Variants in LNX1 observed in about 807,000 individuals in gnomAD.
LNX1 encodes E3 ubiquitin-protein ligase LNX.
A neutral mutation model predicts 68.4 loss-of-function variants in LNX1; 54 were observed. The observed-to-expected ratio is 0.79, with a 90% CI of 0.63 to 0.99. LNX1 has a LOEUF of 0.99. Ranked by LOEUF, LNX1 falls within the 50% of genes least tolerant of loss-of-function variation. The pLI is 0.00. For synonymous variants in LNX1, 336 were observed against 350.0 expected, an observed-to-expected ratio of 0.96 and a Z score of 0.45; for missense variants, 906 against 926.4, an observed-to-expected ratio of 0.98 and a Z score of 0.29.
chr4:53,578,103 T>C (rs1383024837), intron 1 of LNX1, among the ~76,000 whole-genome samples: 1 of 152,146 alleles, frequency 6.6e-6, no homozygotes, highest in Non-Finnish European at 1.5e-5. Context: ...TGACTCCAAG[T>C]TTCTGCTCCT....
intron 1 of LNX1, among the ~76,000 whole-genome samples, chr4:53,576,548 A>C (rs1731499466): frequency 6.6e-6 from 1 of 152,060 alleles, no homozygotes; most frequent in Non-Finnish European, 1.5e-5. Flanking sequence ...GGGCATTTTC[A>C]TTCTTCTGCC....
intron 1 of LNX1, among the ~76,000 whole-genome samples, chr4:53,578,100 A>G (rs1032810664): frequency 6.6e-6 from 1 of 152,162 alleles, no homozygotes; most frequent in African/African-American, 2.4e-5. Flanking sequence ...GTCTGACTCC[A>G]AGTTTCTGCT....
intron 4 of LNX1, among the ~76,000 whole-genome samples, chr4:53,499,318 C>G (rs1725307166): frequency 6.6e-6 from 1 of 152,154 alleles, no homozygotes; most frequent in African/African-American, 2.4e-5. Context: ...GCCACCATTC[C>G]TGGCAAATTT....
Position 53,497,518 on chromosome 4 carries a change from C to T in LNX1, c.978+1123G>A, listed in dbSNP as rs1725152798. 3.3e-5 allele frequency among the ~76,000 whole-genome samples: 5 copies of T among 152,318 alleles called. No individual in the cohort carries two copies. In the South Asian group the frequency reaches 8.3e-4, roughly 25 times the overall value. On this transcript the variant is annotated intron_variant, in intron 5 of 10. Transcript: ENST00000263925. ...TGTCCAAGCACAGGTGAGGAGAGCA[C>T]CTGAGGTGGCAGGGCCGGGTTCCCC...
intron 2 of LNX1, among the ~76,000 whole-genome samples, chr4:53,566,043 G>T (rs987297581): frequency 8.6e-5 from 13 of 151,090 alleles, no homozygotes; most frequent in African/African-American, 1.5e-4. Context: ...GAAAGTGATG[G>T]GGAGAATGGA....
In LNX1 at chr4:53,545,199, T is replaced by G. The variant is rs1729022962; in HGVS notation, c.380+28424A>C. Among the ~76,000 whole-genome samples, 2 of 152,236 alleles carry G rather than the reference T, an allele frequency of 1.3e-5. 1 individual carries two copies. Among genetic ancestry groups the G allele is most frequent in the South Asian group, 4.1e-4 (2 of 4,834 alleles). On this transcript the variant is annotated intron_variant, in intron 2 of 10. Coordinates refer to ENST00000263925, the MANE Select transcript of LNX1 (RefSeq NM_001126328.3). ...AGAACTCCTGTAGTCTGCTCTCTTA[T>G]GCCTACTTCAATGGGAAAATAGTTA...
intron 2 of LNX1, among the ~76,000 whole-genome samples, chr4:53,544,101 C>A (rs1728936251): frequency 6.6e-6 from 1 of 152,194 alleles, no homozygotes; most frequent in Admixed American, 6.5e-5. Flanking sequence ...GCCTAGCTGT[C>A]ATTGGGCTTT....
chr4:53,619,363 T>G (rs1456304480), upstream of LNX1, among the ~76,000 whole-genome samples: 2 of 152,216 alleles, frequency 1.3e-5, no homozygotes, highest in Non-Finnish European at 2.9e-5. Flanking sequence ...ATTCCCTTCT[T>G]TTCCCAGCCC....
chr4:53,606,893 G>A (rs979382695), intron 2 of LNX1, among the ~76,000 whole-genome samples: 14 of 152,086 alleles, frequency 9.2e-5, no homozygotes, highest in African/African-American at 3.4e-4. Flanking sequence ...AAAGGCTTCT[G>A]ATAAAATTCA....
chr4:53,570,884 G>C (rs1451730881), intron 2 of LNX1, among the ~76,000 whole-genome samples: 2 of 151,952 alleles, frequency 1.3e-5, no homozygotes, highest in East Asian at 3.9e-4. Context: ...AAAATTAGCT[G>C]TGCGTGGTGG....
At chr4:53,536,045 TA>T (rs1299249821) in intron 2 of LNX1, among the ~76,000 whole-genome samples, 2 of 152,204 alleles carry the variant, frequency 1.3e-5, no homozygotes, top group African/African-American at 4.8e-5. Flanking sequence ...CAAGTCCTCC[TA>T]CCTGTTTTTA....
chr4:53,492,320 C>A (rs1438773168), intron 6 of LNX1, among the ~76,000 whole-genome samples: 1 of 151,988 alleles, frequency 6.6e-6, no homozygotes, highest in Non-Finnish European at 1.5e-5. Context: ...AGGCCTGAGG[C>A]AGAAATGCTT....
intron 1 of LNX1, chr4:53,579,177 G>C: frequency 1.4e-6 from 1 of 715,172 alleles, no homozygotes; most frequent in Non-Finnish European, 1.7e-6. Context: ...GAAGTAAGTA[G>C]ACAGAGCTGT....
chr4:53,645,787 T>A (rs1308266535), intron 1 of LNX1, among the ~76,000 whole-genome samples: 8 of 152,204 alleles, frequency 5.3e-5, no homozygotes, highest in Non-Finnish European at 2.9e-5. Context: ...CATGTTGGCA[T>A]CTGTAGAACC....
intron 1 of LNX1, among the ~76,000 whole-genome samples, chr4:53,645,711 C>T (rs377376627): frequency 5.9e-5 from 9 of 152,278 alleles, no homozygotes; most frequent in African/African-American, 2.2e-4. Context: ...TTATCTTGGC[C>T]TCTCACATGA....
At chr4:53,652,139 T>C (rs952187758) in intron 1 of LNX1, 3 of 152,128 alleles carry the variant, frequency 2.0e-5, no homozygotes, top group African/African-American at 4.8e-5. Flanking sequence ...TATGAGATTC[T>C]ACCTGGTGGA....
intron 2 of LNX1, among the ~76,000 whole-genome samples, chr4:53,521,248 G>T (rs1419127992): frequency 5.9e-5 from 9 of 152,164 alleles, no homozygotes; most frequent in African/African-American, 2.2e-4. Flanking sequence ...TCGTGTTTTT[G>T]TGAAGTCTAT....
chr4:53,597,217 T>C (rs7668052), intron 2 of LNX1, among the ~76,000 whole-genome samples: 19,856 of 152,164 alleles, frequency 0.13, 1,426 homozygotes, highest in East Asian at 0.23. Flanking sequence ...AAACTATCAA[T>C]TGATATTCCT....
chr4:53,551,147 C>T (rs1729477143), intron 2 of LNX1, among the ~76,000 whole-genome samples: 2 of 152,198 alleles, frequency 1.3e-5, no homozygotes, highest in African/African-American at 4.8e-5. Flanking sequence ...CTGGGGCCTA[C>T]CACATTTTGC....
Sources: allele counts gnomAD v4.1 joint callset (sites outside exome capture counted in the v4.1 genomes callset), GRCh38; gene constraint gnomAD v4.1.1; transcripts MANE v1.5; gene names NCBI Gene and HGNC (gene_info 2026-07-23, HGNC 2026-07-21).